ECT2: variants seen among roughly 807,000 people sequenced by gnomAD.
ECT2 encodes the protein protein ECT2.
Under a neutral mutation model 116.9 loss-of-function variants are expected in ECT2, and 61 were observed. The ratio of observed to expected loss-of-function variants is 0.52; its 90% CI spans 0.42 to 0.65. The LOEUF (loss-of-function observed/expected upper bound fraction) is 0.65. ECT2 is among the 30% of genes least tolerant of loss of function. The pLI is 0.00. For synonymous variants in ECT2, 358 were observed against 346.4 expected, an observed-to-expected ratio of 1.03 and a Z score of -0.37; for missense variants, 937 against 1,078.7, an observed-to-expected ratio of 0.87 and a Z score of 1.84.
At chr3:172,825,913 G>A (rs1305561555), downstream of ECT2, among the ~76,000 whole-genome samples, 1 of 152,022 alleles carries the variant, frequency 6.6e-6, no homozygotes, top group Non-Finnish European at 1.5e-5. Context: ...TTTTTTCTTT[G>A]AGATGGAGTT....
At chr3:172,802,368 C>T (rs1289020084) in intron 18 of ECT2, among the ~76,000 whole-genome samples, 1 of 152,160 alleles carries the variant, frequency 6.6e-6, no homozygotes, top group Non-Finnish European at 1.5e-5. Flanking sequence ...CCACCTTGGC[C>T]TCCCAAAGTG....
At chr3:172,767,755 C>T (rs919256715) in intron 12 of ECT2, among the ~76,000 whole-genome samples, 2 of 147,162 alleles carry the variant, frequency 1.4e-5, no homozygotes, top group African/African-American at 5.4e-5. Flanking sequence ...CTTGCTTGGT[C>T]GCCAGGCTGG....
chr3:172,828,199 G>C, the ECT2 span, among the ~76,000 whole-genome samples: 2 of 152,306 alleles, frequency 1.3e-5, no homozygotes, highest in Admixed American at 1.3e-4. Context: ...AGAGAAGACT[G>C]TGGAACTTTA....
chr3:172,829,002 A>G, the ECT2 span: 8 of 1,003,418 alleles, frequency 8.0e-6, no homozygotes, highest in Non-Finnish European at 1.3e-5. Context: ...AGGAGACAAC[A>G]CTGGTCTGGA....
chr3:172,825,233 A>G (rs569244296), downstream of ECT2, among the ~76,000 whole-genome samples: 3 of 152,158 alleles, frequency 2.0e-5, no homozygotes, highest in Admixed American at 2.0e-4. Context: ...TTTATCGGTA[A>G]TTGTTGTGTG....
intron 4 of ECT2, 60 bp downstream of exon 4, chr3:172,755,635 A>G (rs1716830975): frequency 8.8e-6 from 8 of 909,858 alleles, no homozygotes; most frequent in Middle Eastern, 2.4e-4. Flanking sequence ...GTATTATTCT[A>G]CTTTCTGGTG....
intron 20 of ECT2, among the ~76,000 whole-genome samples, chr3:172,805,179 A>G (rs555370018): frequency 2.6e-5 from 4 of 151,550 alleles, no homozygotes; most frequent in East Asian, 1.9e-4. Flanking sequence ...GGTAAAATCT[A>G]TGTTTTCTTA....
chr3:172,772,040 G>A (rs1204221955), intron 13 of ECT2, among the ~76,000 whole-genome samples: 2 of 152,250 alleles, frequency 1.3e-5, no homozygotes, highest in Admixed American at 6.5e-5. Flanking sequence ...CTGTTGCCCA[G>A]GCTGGAGTGC....
chr3:172,778,150 T>A (rs1722073156), intron 14 of ECT2, among the ~76,000 whole-genome samples: 1 of 152,182 alleles, frequency 6.6e-6, no homozygotes, highest in Non-Finnish European at 1.5e-5. Flanking sequence ...AGTAAGTAGC[T>A]TAGCTTTCTT....
chr3:172,785,846 G>A (rs1265778824), intron 17 of ECT2, among the ~76,000 whole-genome samples: 1 of 152,166 alleles, frequency 6.6e-6, no homozygotes, highest in African/African-American at 2.4e-5. Flanking sequence ...CCAAAACATT[G>A]TGGTTTTCTT....
At position 172,821,186 on chromosome 3, in the gene ECT2, T is replaced by C. The variant is rs1312355666; in HGVS notation, c.*949T>C. On this transcript the variant is annotated 3_prime_UTR_variant, in exon 25 of 25. Transcript: ENST00000392692. ...ATTAAATGTAAAATTGAAAATTCAT[T>C]TGCTGTTTCAAAGTGTGATATCTTT... The C allele has an allele frequency of 6.6e-6, 1 of 151,962 alleles. No homozygotes were observed. The highest frequency in any genetic ancestry group is 1.5e-5 in the Non-Finnish European group (1 of 67,828). The allele number at this position is 151,962 out of a possible 1,614,324, so 9.4% of individuals were successfully genotyped here.
intron 1 of ECT2, among the ~76,000 whole-genome samples, chr3:172,753,076 A>G (rs950392398): frequency 2.6e-5 from 4 of 152,176 alleles, no homozygotes; most frequent in Non-Finnish European, 1.5e-5. Flanking sequence ...TGACTTATTG[A>G]AAATTGATAA....
At position 172,757,078 on chromosome 3, in the gene ECT2, T is replaced by C. The variant is rs1717133542; in HGVS notation, c.399T>C (p.Phe133=). Residue 133 remains phenylalanine, a synonymous_variant, in exon 5 of 25, where the codon TTT becomes TTC. Coordinates refer to ENST00000392692, the MANE Select transcript of ECT2 (RefSeq NM_001258315.2). ...AAAATGTATTTGTAGTCACGGACTT[T>C]CAGGATTCTGTCTTTAATGACCTCT... ...EFENVFVVTD[F]QDSVFNDLYK... The C allele has an allele frequency of 1.2e-6, 2 of 1,610,730 alleles. No homozygotes were observed. Among genetic ancestry groups the C allele is most frequent in the Non-Finnish European group, 1.7e-6 (2 of 1,178,824 alleles).
At position 172,755,591 on chromosome 3, in the gene ECT2, T is replaced by A; in HGVS notation, c.303+16T>A. 1 of 1,281,802 alleles carries A rather than the reference T, an allele frequency of 7.8e-7. No individual in the cohort carries two copies. Among genetic ancestry groups the A allele is most frequent in the Non-Finnish European group, 1.1e-6 (1 of 938,978 alleles). The allele number at this position is 1,281,802 out of a possible 1,614,324, so 79.4% of individuals were successfully genotyped here. Reference sequence around the variant, plus strand: ...TATTAATATGGTAGGTCAAAGTAACTCATTGCATGTGGCATGCTGCACTTC... The same window carrying A: ...TATTAATATGGTAGGTCAAAGTAACACATTGCATGTGGCATGCTGCACTTC... On this transcript the variant is annotated intron_variant, in intron 4 of 24. Transcript: ENST00000392692.
Position 172,801,959 on chromosome 3 carries a change from T to C in ECT2, c.1908-657T>C, listed in dbSNP as rs962491094. 4.6e-5 allele frequency among the ~76,000 whole-genome samples: 7 copies of C among 152,204 alleles called. No homozygotes were observed. In the South Asian group the frequency reaches 1.0e-3, roughly 22 times the overall value. ...TTACATAAAACCTTATTTGAACTTA[T>C]ATTGAGAACTTCAAAATTTTATTAG... On this transcript the variant is annotated intron_variant, in intron 18 of 24. Coordinates refer to ENST00000392692, the MANE Select transcript of ECT2 (RefSeq NM_001258315.2).
chr3:172,820,470 G>A lies in ECT2; in HGVS notation c.*233G>A, dbSNP rs547220818. On this transcript the variant is annotated 3_prime_UTR_variant, in exon 25 of 25. Transcript: ENST00000392692. ...TTTTGATGTAATTTATCTCTTGTTT[G>A]AATCTGTCATTCAAAGGCCAATAAT... The A allele has an allele frequency of 3.2e-6, 1 of 311,170 alleles. No individual in the cohort carries two copies. Among genetic ancestry groups the A allele is most frequent in the African/African-American group, 2.2e-5 (1 of 46,326 alleles). The allele number at this position is 311,170 out of a possible 1,614,324, so 19.3% of individuals were successfully genotyped here. A position where few individuals can be genotyped will look rare whatever the true frequency, so the allele number is the denominator to read the frequency against.
At chr3:172,828,791 GACA>G in the ECT2 span, 9 of 691,682 alleles carry the variant, frequency 1.3e-5, no homozygotes, top group Admixed American at 1.8e-4. Flanking sequence ...CATGGCCTCA[GACA>G]GGCCAACGCC....
At chr3:172,781,020 T>A (rs1722604567) in intron 14 of ECT2, among the ~76,000 whole-genome samples, 2 of 152,110 alleles carry the variant, frequency 1.3e-5, no homozygotes, top group Non-Finnish European at 1.5e-5. Flanking sequence ...TATCTAAAAA[T>A]TTTTTTTCTA....
the ECT2 span, among the ~76,000 whole-genome samples, chr3:172,827,127 A>T: frequency 6.6e-6 from 1 of 152,188 alleles, no homozygotes; most frequent in Non-Finnish European, 1.5e-5. Flanking sequence ...TAAAAAGAAC[A>T]AGCACCGAGG....
Sources: allele counts gnomAD v4.1 joint callset (sites outside exome capture counted in the v4.1 genomes callset), GRCh38; gene constraint gnomAD v4.1.1; transcripts MANE v1.5; gene names NCBI Gene and HGNC (gene_info 2026-07-23, HGNC 2026-07-21).